SF3A3: variants seen among roughly 807,000 people sequenced by gnomAD.
The protein encoded by SF3A3 is splicing factor 3a subunit 3, also known as SAP 61.
A neutral mutation model predicts 85.8 loss-of-function variants in SF3A3; 9 were observed. That is an observed-to-expected ratio of 0.10 (90% confidence interval 0.06 to 0.18). The LOEUF is 0.18. SF3A3 is among the 10% of genes least tolerant of loss of function. SF3A3 has a pLI of 1.00. For missense variants in SF3A3, 306 were observed against 593.3 expected (o/e 0.52, Z 5.03); for synonymous variants, 195 against 204.4 (o/e 0.95, Z 0.39).
intron 6 of SF3A3, among the ~76,000 whole-genome samples, chr1:37,982,063 A>T (rs1460823422): frequency 2.2e-5 from 3 of 134,074 alleles, no homozygotes; most frequent in African/African-American, 7.5e-5. Flanking sequence ...TGAACATTAA[A>T]CTAAAAGAAA....
intron 6 of SF3A3, among the ~76,000 whole-genome samples, chr1:37,983,028 T>A (rs1456019918): frequency 6.6e-6 from 1 of 151,818 alleles, no homozygotes; most frequent in Non-Finnish European, 1.5e-5. Context: ...GACCTCCGCC[T>A]CCTGGGTTCA....
chr1:37,959,471 A>G lies in SF3A3; in HGVS notation c.1428+649T>C, dbSNP rs138079741. 3.4e-3 allele frequency among the ~76,000 whole-genome samples: 515 copies of G among 152,130 alleles called. 3 individuals are homozygous for G. Among genetic ancestry groups the G allele is most frequent in the African/African-American group, 0.012 (493 of 41,524 alleles). ...GTCACCCAGACTGGAGTGCAGTGGT[A>G]TGATCATAGCTCAGCAGCTGCCTCA... is the stretch of plus-strand genomic sequence containing the variant. On this transcript the variant is annotated intron_variant, in intron 16 of 16. Coordinates refer to ENST00000373019, the MANE Select transcript of SF3A3 (RefSeq NM_006802.4).
At chr1:37,958,766 C>CA (rs1390244536) in intron 16 of SF3A3, among the ~76,000 whole-genome samples, 1 of 151,762 alleles carries the variant, frequency 6.6e-6, no homozygotes, top group African/African-American at 2.4e-5. Flanking sequence ...GTTTTGCTGC[C>CA]AAAAAGAAAA....
chr1:37,979,195 TC>T (rs1646400318), intron 9 of SF3A3, 140 bp from the exon 10 acceptor site: 1 of 692,202 alleles, frequency 1.4e-6, no homozygotes, highest in East Asian at 2.7e-5. Flanking sequence ...GTCTAAACTC[TC>T]CAGAGGACTG....
chr1:37,985,547 T>C (rs1225123054), intron 4 of SF3A3, among the ~76,000 whole-genome samples: 3 of 152,258 alleles, frequency 2.0e-5, no homozygotes, highest in Non-Finnish European at 4.4e-5. Flanking sequence ...TTTAAATATA[T>C]GTATTTGTAC....
At chr1:37,971,509 G>T (rs1038234429) in intron 12 of SF3A3, among the ~76,000 whole-genome samples, 23 of 152,264 alleles carry the variant, frequency 1.5e-4, no homozygotes, top group Admixed American at 6.5e-4. Flanking sequence ...CATTTTATGA[G>T]GCCAACATCA....
At chr1:37,973,960 T>G (rs1646361223) in intron 12 of SF3A3, among the ~76,000 whole-genome samples, 1 of 152,116 alleles carries the variant, frequency 6.6e-6, no homozygotes. Context: ...AAACCATCAT[T>G]CTGAGCAAAC....
chr1:37,971,732 A>G (rs1646346133), intron 12 of SF3A3, among the ~76,000 whole-genome samples: 1 of 152,234 alleles, frequency 6.6e-6, no homozygotes, highest in Non-Finnish European at 1.5e-5. Flanking sequence ...AATCCATCAT[A>G]TAAACAGAAC....
At chr1:37,974,428 G>A (rs551984947) in intron 12 of SF3A3, among the ~76,000 whole-genome samples, 148 of 150,960 alleles carry the variant, frequency 9.8e-4, no homozygotes, top group African/African-American at 3.5e-3. Context: ...TCAGCCTCCC[G>A]AGTAGCTGGG....
At chr1:37,960,297 G>T in intron 15 of SF3A3, 122 bp from the exon 16 acceptor site, 1 of 870,506 alleles carries the variant, frequency 1.1e-6, no homozygotes, top group Non-Finnish European at 1.8e-6. Context: ...TGAGATTCTT[G>T]CCTACCCCAA....
At chr1:37,980,293 G>A (rs1179821322) in intron 8 of SF3A3, among the ~76,000 whole-genome samples, 3 of 152,030 alleles carry the variant, frequency 2.0e-5, no homozygotes, top group African/African-American at 2.4e-5. Context: ...GTGTGGAGGC[G>A]CGTGCCTGTA....
At chr1:37,980,807 C>G in intron 7 of SF3A3, 83 bp from the exon 8 acceptor site, 1 of 554,878 alleles carries the variant, frequency 1.8e-6, no homozygotes, top group Non-Finnish European at 2.9e-6. Flanking sequence ...ATATAAAGTA[C>G]TTATAATTCT....
chr1:37,969,487 A>G (rs200625719), intron 13 of SF3A3, 23 bp from the exon 14 acceptor site: 1 of 1,613,204 alleles, frequency 6.2e-7, no homozygotes, highest in Admixed American at 1.7e-5. Context: ...AAAACAAAAC[A>G]AAACCAAGAA....
intron 12 of SF3A3, among the ~76,000 whole-genome samples, chr1:37,972,546 A>G (rs1251474537): frequency 6.6e-6 from 1 of 152,238 alleles, no homozygotes. Flanking sequence ...TGGAACCAAA[A>G]AAGAGCCTGC....
intron 12 of SF3A3, among the ~76,000 whole-genome samples, chr1:37,975,331 C>CAA (rs1337881206): frequency 1.3e-5 from 2 of 152,016 alleles, no homozygotes; most frequent in African/African-American, 2.4e-5. Flanking sequence ...GCCTGGCCAA[C>CAA]AAGACAAAAC....
At chr1:37,960,962 A>C (rs1415196991) in intron 15 of SF3A3, among the ~76,000 whole-genome samples, 1 of 152,050 alleles carries the variant, frequency 6.6e-6, no homozygotes, top group Non-Finnish European at 1.5e-5. Flanking sequence ...CAACAACTTG[A>C]ATCTTAAAGT....
intron 6 of SF3A3, among the ~76,000 whole-genome samples, chr1:37,982,053 T>C (rs7519947): frequency 0.32 from 43,792 of 136,036 alleles, 6,973 homozygotes; most frequent in Middle Eastern, 0.54. Context: ...ATCAAGTTAA[T>C]GAACATTAAA....
intron 4 of SF3A3, among the ~76,000 whole-genome samples, chr1:37,985,101 C>T (rs371284245): frequency 2.6e-5 from 4 of 152,344 alleles, no homozygotes; most frequent in African/African-American, 4.8e-5. Context: ...AGCCACTGTG[C>T]CTGACCGCAG....
chr1:37,971,592 G>A (rs1385027730), intron 12 of SF3A3, among the ~76,000 whole-genome samples: 1 of 152,092 alleles, frequency 6.6e-6, no homozygotes, highest in African/African-American at 2.4e-5. Flanking sequence ...GATGAACATC[G>A]ATCCAAAAAT....
Sources: allele counts gnomAD v4.1 joint callset (sites outside exome capture counted in the v4.1 genomes callset), GRCh38; gene constraint gnomAD v4.1.1; transcripts MANE v1.5; gene names NCBI Gene and HGNC (gene_info 2026-07-23, HGNC 2026-07-21).